Variants in NAV1 observed in about 807,000 individuals in gnomAD.
NAV1 encodes pore membrane and/or filament interacting like protein 3.
NAV1 carries 18 observed loss-of-function variants against 175.2 expected under a neutral mutation model. The ratio of observed to expected loss-of-function variants is 0.10; its 90% CI spans 0.07 to 0.15. The LOEUF (loss-of-function observed/expected upper bound fraction) is 0.15. Among genes scored for constraint, NAV1 ranks in the 10% least tolerant of loss-of-function variants. The pLI, the probability that NAV1 is intolerant of heterozygous loss-of-function variation, is 1.00. For missense variants in NAV1, 1,731 were observed against 2,436.6 expected (o/e 0.71, Z 6.10); for synonymous variants, 897 against 978.7 (o/e 0.92, Z 1.56).
exon 9 of NAV1, chr1:201,786,534 A>G: frequency 1.2e-6 from 2 of 1,613,938 alleles, no homozygotes; most frequent in Non-Finnish European, 1.7e-6. Context: ...CTCCCCCTGC[A>G]CTTCCCATGT....
intron 1 of NAV1, among the ~76,000 whole-genome samples, chr1:201,575,056 C>T (rs186436623): frequency 6.6e-6 from 1 of 152,364 alleles, no homozygotes; most frequent in Admixed American, 6.5e-5. Flanking sequence ...ACAAAGGGCC[C>T]ATCTTCAACC....
intron 1 of NAV1, among the ~76,000 whole-genome samples, chr1:201,656,923 G>GC (rs756811522): frequency 2.0e-4 from 31 of 152,258 alleles, no homozygotes; most frequent in African/African-American, 7.5e-4. Context: ...GAGGACACAG[G>GC]CCCCTTTGCC....
intron 1 of NAV1, among the ~76,000 whole-genome samples, chr1:201,543,555 C>T (rs1199250816): frequency 6.6e-6 from 1 of 151,216 alleles, no homozygotes; most frequent in African/African-American, 2.4e-5. Context: ...AAAAAGACAA[C>T]AAAATTTGAC....
In NAV1 at chr1:201,661,924, G is replaced by A. The variant is rs535013628; in HGVS notation, c.757+12499G>A. ...AGGCACTGTTCTAAGCACTTTACAC[G>A]TATTCAGTCATTTAATCGTCACAAC... is the stretch of plus-strand genomic sequence containing the variant. On this transcript the variant is annotated intron_variant, in intron 1 of 29. Coordinates refer to ENST00000367296, the Ensembl canonical transcript of NAV1. Among the ~76,000 whole-genome samples, 75 of 152,338 alleles carry A rather than the reference G, an allele frequency of 4.9e-4. 1 individual carries two copies. Among genetic ancestry groups the A allele is most frequent in the African/African-American group, 1.7e-3 (72 of 41,576 alleles).
intron 16 of NAV1, 129 bp downstream of exon 20, chr1:201,803,843 T>C: frequency 8.3e-7 from 1 of 1,206,212 alleles, no homozygotes; most frequent in South Asian, 1.4e-5. Context: ...CCTAGTGTGA[T>C]GTCCGCTCAG....
At chr1:201,601,540 A>G (rs1044521288) in intron 2 of NAV1, among the ~76,000 whole-genome samples, 1 of 152,106 alleles carries the variant, frequency 6.6e-6, no homozygotes, top group African/African-American at 2.4e-5. Context: ...TTTAGGGGTG[A>G]TTTGGTCATG....
chr1:201,731,154 A>C (rs992445310), intron 3 of NAV1, among the ~76,000 whole-genome samples: 1 of 151,664 alleles, frequency 6.6e-6, no homozygotes, highest in East Asian at 1.9e-4. Context: ...ACAAGGTAGG[A>C]GAGGCTGACA....
chr1:201,705,800 G>A (rs992922682), intron 1 of NAV1, among the ~76,000 whole-genome samples: 1 of 152,134 alleles, frequency 6.6e-6, no homozygotes, highest in African/African-American at 2.4e-5. Flanking sequence ...GTCACTGTAG[G>A]GACAGTTACT....
intron 2 of NAV1, among the ~76,000 whole-genome samples, chr1:201,608,342 C>T (rs889082025): frequency 1.3e-5 from 2 of 152,166 alleles, no homozygotes; most frequent in Admixed American, 6.5e-5. Flanking sequence ...TTGATCTGCA[C>T]GGCCTGCGAG....
chr1:201,604,758 G>T (rs945181645), intron 2 of NAV1, among the ~76,000 whole-genome samples: 1 of 149,918 alleles, frequency 6.7e-6, no homozygotes, highest in Non-Finnish European at 1.5e-5. Flanking sequence ...GAGAGAGAGA[G>T]AAATAAAGGA....
chr1:201,818,033 C>A (rs536986198), intron 29 of NAV1, among the ~76,000 whole-genome samples: 1 of 151,950 alleles, frequency 6.6e-6, no homozygotes, highest in Non-Finnish European at 1.5e-5. Context: ...GAGTGCAAGA[C>A]CAACCTGGGC....
chr1:201,773,748 G>A (rs1675748137), intron 3 of NAV1, among the ~76,000 whole-genome samples: 1 of 152,184 alleles, frequency 6.6e-6, no homozygotes, highest in Non-Finnish European at 1.5e-5. Flanking sequence ...TAGATGATAT[G>A]AGGAGAATAG....
At chr1:201,637,789 C>G (rs1482440342) in intron 2 of NAV1, among the ~76,000 whole-genome samples, 3 of 152,182 alleles carry the variant, frequency 2.0e-5, no homozygotes, top group Admixed American at 2.0e-4. Flanking sequence ...TTTTCCCTCA[C>G]CGGCCTGCAG....
chr1:201,760,929 T>C (rs1290487567), intron 3 of NAV1, among the ~76,000 whole-genome samples: 4 of 152,194 alleles, frequency 2.6e-5, no homozygotes, highest in African/African-American at 7.2e-5. Flanking sequence ...AATATTCTTC[T>C]CTTTAGGTTT....
intron 3 of NAV1, among the ~76,000 whole-genome samples, chr1:201,735,525 G>A (rs1485152555): frequency 1.3e-5 from 2 of 152,184 alleles, no homozygotes; most frequent in Admixed American, 6.5e-5. Flanking sequence ...GAGGAACTCT[G>A]GAAGACACAG....
chr1:201,546,558 C>T (rs1366191862), intron 1 of NAV1, among the ~76,000 whole-genome samples: 1 of 152,140 alleles, frequency 6.6e-6, no homozygotes, highest in Non-Finnish European at 1.5e-5. Context: ...TGACATTTTG[C>T]TAGATTGCTC....
At chr1:201,565,690 T>C (rs1666334767) in intron 1 of NAV1, among the ~76,000 whole-genome samples, 1 of 152,190 alleles carries the variant, frequency 6.6e-6, no homozygotes, top group South Asian at 2.1e-4. Context: ...CAATCATTTT[T>C]ATTAGCAGAG....
chr1:201,666,084 G>A (rs750327457), intron 1 of NAV1, among the ~76,000 whole-genome samples: 8 of 152,002 alleles, frequency 5.3e-5, no homozygotes, highest in Non-Finnish European at 1.2e-4. Flanking sequence ...GAGGGAGCGG[G>A]TTGCCAGAGG....
rs767430175 is a variant in NAV1, at chr1:201,811,995, T to C, written c.5024+21T>C. On this transcript the variant is annotated intron_variant, in intron 26 of 29. Transcript: ENST00000367296. ...TTCAGGTAAGACCTCTAGCTCTGGA[T>C]GAACCTTCTGACCCTACCCAAGAGT... The C allele has an allele frequency of 1.9e-6, 3 of 1,610,266 alleles. No individual in the cohort carries two copies. The East Asian group carries it at 6.7e-5, about 36-fold the overall frequency.
Sources: allele counts gnomAD v4.1 joint callset (sites outside exome capture counted in the v4.1 genomes callset), GRCh38; gene constraint gnomAD v4.1.1; transcripts MANE v1.5; gene names NCBI Gene and HGNC (gene_info 2026-07-23, HGNC 2026-07-21).